The following MICAL3 variants were observed in gnomAD, a reference collection of about 807,000 sequenced individuals.
MICAL3 encodes [F-actin]-monooxygenase MICAL3.
A neutral mutation model predicts 207.4 loss-of-function variants in MICAL3; 62 were observed. The ratio of observed to expected loss-of-function variants is 0.30; its 90% CI spans 0.24 to 0.37. The LOEUF is 0.37. Among genes scored for constraint, MICAL3 ranks in the 10% least tolerant of loss-of-function variants. The probability of loss-of-function intolerance (pLI) is 1.00; values close to 1 mark genes in which losing one functional copy is unlikely to be tolerated. For missense variants in MICAL3, 2,368 were observed against 2,635.6 expected (o/e 0.90, Z 2.22); for synonymous variants, 1,077 against 1,069.3 (o/e 1.01, Z -0.14).
chr22:17,964,410 C>T (rs550041699), intron 1 of MICAL3, among the ~76,000 whole-genome samples: 4 of 152,284 alleles, frequency 2.6e-5, no homozygotes, highest in Admixed American at 1.3e-4. Flanking sequence ...GCCACAGGCC[C>T]CAGCGAACAG....
intron 16 of MICAL3, chr22:17,879,333 C>T (rs773429333): frequency 6.2e-7 from 1 of 1,603,848 alleles, no homozygotes; most frequent in Admixed American, 1.7e-5. Context: ...GCCACGGGTT[C>T]ATGCTCTTTT....
At chr22:17,928,019 C>G (rs774904469) in intron 1 of MICAL3, among the ~76,000 whole-genome samples, 1 of 152,204 alleles carries the variant, frequency 6.6e-6, no homozygotes, top group Non-Finnish European at 1.5e-5. Context: ...ATACTCTGAG[C>G]ACTCGAGATA....
At chr22:17,797,418 C>A (rs564271230) in intron 29 of MICAL3, among the ~76,000 whole-genome samples, 1 of 152,150 alleles carries the variant, frequency 6.6e-6, no homozygotes, top group Admixed American at 6.5e-5. Context: ...TGCTTGAGCC[C>A]GGGAGGTCAA....
intron 19 of MICAL3, among the ~76,000 whole-genome samples, chr22:17,850,472 G>A (rs1405591746): frequency 2.2e-5 from 3 of 138,656 alleles, no homozygotes; most frequent in Non-Finnish European, 4.5e-5. Context: ...GTGCAGTGGT[G>A]CGATCTTGGC....
intron 1 of MICAL3, among the ~76,000 whole-genome samples, chr22:17,967,191 ACTACT>A (rs1569150538): frequency 6.6e-6 from 1 of 152,190 alleles, no homozygotes. Flanking sequence ...TCCTGGCATA[ACTACT>A]CGTTTTCACC....
At chr22:17,827,550 G>A in intron 22 of MICAL3, 94 bp downstream of exon 22, 1 of 1,368,894 alleles carries the variant, frequency 7.3e-7, no homozygotes, top group Non-Finnish European at 9.7e-7. Flanking sequence ...CCTCATGGGT[G>A]GCTCTGCCCT....
Position 17,893,900 on chromosome 22 carries a change from C to T in MICAL3, c.1454G>A (p.Arg485His), listed in dbSNP as rs540846722. Reference protein sequence around the residue: ...NVNFLRPSQVRHLYDTGETKD... With the variant: ...NVNFLRPSQVHHLYDTGETKD... ...TGTTTCGCCAGTATCATATAAATGG[C>T]GCACCTGGCAGAAATTTACAAAGTC... is the stretch of plus-strand genomic sequence containing the variant. Residue 485 changes from arginine to histidine, a missense_variant, in exon 11 of 32, where the codon CGC (arginine) becomes CAC (histidine). This residue lies in a region of MICAL3 where 147 missense variants were observed against 137.7 expected (regional missense o/e 1.07). Transcript: ENST00000441493. 37 of 1,552,756 alleles carry T rather than the reference C, an allele frequency of 2.4e-5. No homozygotes were observed. The South Asian group carries it at 2.8e-4, about 12-fold the overall frequency.
intron 1 of MICAL3, among the ~76,000 whole-genome samples, chr22:17,968,649 T>C (rs1602313871): frequency 6.6e-6 from 1 of 152,102 alleles, no homozygotes; most frequent in East Asian, 1.9e-4. Flanking sequence ...GATATAATAA[T>C]TACCACAACC....
intron 17 of MICAL3, among the ~76,000 whole-genome samples, chr22:17,867,243 A>C (rs2146149755): frequency 6.6e-6 from 1 of 151,764 alleles, no homozygotes; most frequent in Non-Finnish European, 1.5e-5. Flanking sequence ...CTCAGACAGA[A>C]TGTTTCACTG....
At chr22:17,919,923 C>T (rs1454992949) in intron 1 of MICAL3, among the ~76,000 whole-genome samples, 2 of 152,232 alleles carry the variant, frequency 1.3e-5, no homozygotes, top group African/African-American at 2.4e-5. Context: ...TCAGCAAATG[C>T]TATGCAACAG....
chr22:17,878,698 C>G (rs1929124694), intron 16 of MICAL3, among the ~76,000 whole-genome samples: 1 of 152,160 alleles, frequency 6.6e-6, no homozygotes, highest in South Asian at 2.1e-4. Context: ...ACAAAAGTTT[C>G]ATAAAGTAAG....
chr22:17,851,682 T>G (rs1304261912), intron 19 of MICAL3, among the ~76,000 whole-genome samples: 3 of 152,074 alleles, frequency 2.0e-5, no homozygotes, highest in Non-Finnish European at 4.4e-5. Context: ...CAAGAACAAA[T>G]GGGAACGGCC....
At chr22:17,877,342 G>GGGAGGTTAGGGAGGTTAT (rs1928799609) in intron 16 of MICAL3, among the ~76,000 whole-genome samples, 23 of 20,430 alleles carry the variant, frequency 1.1e-3, no homozygotes, top group Non-Finnish European at 1.7e-3. Flanking sequence ...ATGGAGGTTA[G>GGGAGGTTAGGGAGGTTAT]GGAGGTTAGG....
At chr22:17,994,992 A>G (rs1184307545) in intron 1 of MICAL3, among the ~76,000 whole-genome samples, 1 of 152,106 alleles carries the variant, frequency 6.6e-6, no homozygotes, top group Admixed American at 6.6e-5. Context: ...TCCCTCACAC[A>G]TAACACACAT....
chr22:17,873,329 A>T (rs1395479675), intron 16 of MICAL3, among the ~76,000 whole-genome samples: 1 of 152,144 alleles, frequency 6.6e-6, no homozygotes, highest in Non-Finnish European at 1.5e-5. Context: ...AACCATGTTC[A>T]CTCCTGCACA....
chr22:18,002,325 C>T (rs115361289), intron 1 of MICAL3, among the ~76,000 whole-genome samples: 7,237 of 150,564 alleles, frequency 0.048, 595 homozygotes, highest in African/African-American at 0.17. Context: ...TGGAGGAGGG[C>T]GCTAAGAGAA....
chr22:17,914,802 C>T (rs1012106674), intron 1 of MICAL3, among the ~76,000 whole-genome samples: 1 of 152,196 alleles, frequency 6.6e-6, no homozygotes, highest in Non-Finnish European at 1.5e-5. Flanking sequence ...TAAAACAGTG[C>T]TAACACAGTA....
At chr22:17,893,082 T>A (rs1397547962) in intron 11 of MICAL3, among the ~76,000 whole-genome samples, 1 of 152,168 alleles carries the variant, frequency 6.6e-6, no homozygotes, top group African/African-American at 2.4e-5. Context: ...AATCACCTCT[T>A]CGAGGCCGCA....
intron 1 of MICAL3, among the ~76,000 whole-genome samples, chr22:17,954,602 G>T (rs1934521612): frequency 6.6e-6 from 1 of 152,264 alleles, no homozygotes; most frequent in South Asian, 2.1e-4. Context: ...GATTCAAAAG[G>T]CTGGCTAATG....
Sources: allele counts gnomAD v4.1 joint callset (sites outside exome capture counted in the v4.1 genomes callset), GRCh38; gene constraint gnomAD v4.1.1; regional missense constraint gnomAD v4.1.1; transcripts MANE v1.5; gene names NCBI Gene and HGNC (gene_info 2026-07-23, HGNC 2026-07-21).